The following GALNTL6 variants were observed in gnomAD, a reference collection of about 807,000 sequenced individuals.
GALNTL6 encodes polypeptide N-acetylgalactosaminyltransferase like 6.
In GALNTL6, 46 loss-of-function variants were observed where a neutral mutation model predicts 73.7. That is an observed-to-expected ratio of 0.62 (90% CI 0.49 to 0.80). GALNTL6 has a LOEUF of 0.80. GALNTL6 is among the 30% of genes least tolerant of loss of function. GALNTL6 has a pLI of 0.00. For missense variants in GALNTL6, 604 were observed against 755.0 expected (o/e 0.80, Z 2.34); for synonymous variants, 259 against 263.7 (o/e 0.98, Z 0.17).
At chr4:172,210,171 A>C (rs1736276195) in intron 2 of GALNTL6, among the ~76,000 whole-genome samples, 1 of 152,052 alleles carries the variant, frequency 6.6e-6, no homozygotes, top group Non-Finnish European at 1.5e-5. Flanking sequence ...TTTTTAAGAC[A>C]CCTTATTTTT....
rs1176942070 is a variant in GALNTL6 at position 172,148,207 on chromosome 4, TTAAAA to T, written c.139-81446_139-81442del. Among the ~76,000 whole-genome samples the T allele has an allele frequency of 3.9e-5, 6 of 152,202 alleles. 1 individual carries two copies. Among genetic ancestry groups the T allele is most frequent in the South Asian group, 4.1e-4 (2 of 4,830 alleles). On this transcript the variant is annotated intron_variant, in intron 2 of 12. Coordinates refer to ENST00000506823, the MANE Select transcript of GALNTL6 (RefSeq NM_001034845.3). ...GATTAAGTACAATTCTGAGTATTTC[TTAAAA>T]TATAATATATTTCATTTGGCTATTG...
At chr4:172,843,786 C>T (rs923049723) in intron 7 of GALNTL6, among the ~76,000 whole-genome samples, 2 of 152,198 alleles carry the variant, frequency 1.3e-5, no homozygotes, top group African/African-American at 2.4e-5. Flanking sequence ...AAGCCAGGCA[C>T]GGTGGCTCAC....
At position 171,902,841 on chromosome 4, in the gene GALNTL6, T is replaced by C. The variant is rs1356920129; in HGVS notation, c.138+88123T>C. 3.3e-5 allele frequency among the ~76,000 whole-genome samples: 5 copies of C among 152,136 alleles called. 1 individual carries two copies. ...CAGAAAATGGAAAGGATACTTAACA[T>C]ATAGTAAATATGATAGTTTTGAAAT... On this transcript the variant is annotated intron_variant, in intron 2 of 12. Transcript: ENST00000506823.
intron 7 of GALNTL6, among the ~76,000 whole-genome samples, chr4:172,874,537 T>C (rs1463359881): frequency 2.0e-5 from 3 of 152,216 alleles, no homozygotes; most frequent in African/African-American, 7.2e-5. Flanking sequence ...ATCTAATCTA[T>C]GTTTTATGTA....
intron 5 of GALNTL6, among the ~76,000 whole-genome samples, chr4:172,513,830 ACT>A (rs1179073297): frequency 1.3e-5 from 2 of 151,742 alleles, no homozygotes; most frequent in African/African-American, 4.8e-5. Flanking sequence ...AGTGAGGTGG[ACT>A]CTGTGTGGGA....
chr4:172,311,492 T>C, intron 3 of GALNTL6, 122 bp from the exon 4 acceptor site: 1 of 620,646 alleles, frequency 1.6e-6, no homozygotes, highest in African/African-American at 1.9e-5. Flanking sequence ...AAAATCTTAG[T>C]ACTAGCTCCT....
intron 5 of GALNTL6, among the ~76,000 whole-genome samples, chr4:172,789,682 C>T (rs1056517574): frequency 6.6e-6 from 1 of 152,148 alleles, no homozygotes; most frequent in Non-Finnish European, 1.5e-5. Context: ...ATCCAGTCCT[C>T]TTGGGTTTTT....
At chr4:172,945,939 C>A (rs766484359) in intron 9 of GALNTL6, among the ~76,000 whole-genome samples, 10 of 152,116 alleles carry the variant, frequency 6.6e-5, no homozygotes, top group Non-Finnish European at 1.5e-4. Flanking sequence ...TGGGGTGGGA[C>A]TACTGAGCCA....
At chr4:172,951,906 T>G in intron 9 of GALNTL6, 131 bp from the exon 10 acceptor site, 1 of 658,110 alleles carries the variant, frequency 1.5e-6, no homozygotes, top group African/African-American at 1.8e-5. Context: ...TCATTGTTCA[T>G]AAACCACCAA....
chr4:172,162,400 T>C (rs1411722422), intron 2 of GALNTL6, among the ~76,000 whole-genome samples: 2 of 151,972 alleles, frequency 1.3e-5, no homozygotes, highest in African/African-American at 2.4e-5. Context: ...AGAGCATTAA[T>C]GTAAGGAGGA....
chr4:172,314,634 G>A (rs376277725), intron 4 of GALNTL6, among the ~76,000 whole-genome samples: 4 of 105,184 alleles, frequency 3.8e-5, no homozygotes, highest in African/African-American at 1.1e-4. Flanking sequence ...TTGAGGCAGA[G>A]TCTCCCTCTG....
intron 5 of GALNTL6, among the ~76,000 whole-genome samples, chr4:172,375,742 C>T (rs1561053383): frequency 6.6e-6 from 1 of 152,146 alleles, no homozygotes. Context: ...TTCTTGAAAA[C>T]CTGCACTCTT....
At chr4:172,855,599 A>G (rs1406336014) in intron 7 of GALNTL6, among the ~76,000 whole-genome samples, 1 of 152,162 alleles carries the variant, frequency 6.6e-6, no homozygotes, top group Non-Finnish European at 1.5e-5. Flanking sequence ...GGCTGATCTC[A>G]GGCCACTGTC....
At chr4:172,894,130 G>A (rs776309767) in intron 8 of GALNTL6, among the ~76,000 whole-genome samples, 1 of 152,066 alleles carries the variant, frequency 6.6e-6, no homozygotes, top group South Asian at 2.1e-4. Context: ...CAGTGGGAGA[G>A]GTGTCTCAGC....
At chr4:172,131,456 A>C (rs1483152824) in intron 2 of GALNTL6, among the ~76,000 whole-genome samples, 1 of 144,850 alleles carries the variant, frequency 6.9e-6, no homozygotes, top group African/African-American at 2.6e-5. Context: ...TATATATTTT[A>C]TATATATTAC....
chr4:172,489,441 A>G (rs1287103631), intron 5 of GALNTL6, among the ~76,000 whole-genome samples: 3 of 152,254 alleles, frequency 2.0e-5, no homozygotes, highest in Non-Finnish European at 4.4e-5. Flanking sequence ...TATGTATGTT[A>G]TATATATTCT....
At chr4:172,539,325 C>G (rs2110868573) in intron 5 of GALNTL6, among the ~76,000 whole-genome samples, 1 of 152,204 alleles carries the variant, frequency 6.6e-6, no homozygotes, top group East Asian at 1.9e-4. Context: ...TTTCTATAGT[C>G]CTGTTACTAA....
intron 2 of GALNTL6, among the ~76,000 whole-genome samples, chr4:172,055,595 C>T (rs1730998147): frequency 6.6e-6 from 1 of 151,994 alleles, no homozygotes. Context: ...GGTAGAAGTC[C>T]AGAGCAAATC....
At position 172,087,044 on chromosome 4, in the gene GALNTL6, G is replaced by C. The variant is rs182297559; in HGVS notation, c.139-142612G>C. Among the ~76,000 whole-genome samples, 4 of 152,242 alleles carry C rather than the reference G, an allele frequency of 2.6e-5. No individual in the cohort carries two copies. In the East Asian group the frequency reaches 7.7e-4, roughly 29 times the overall value. On this transcript the variant is annotated intron_variant, in intron 2 of 12. Transcript: ENST00000506823. The stretch of plus-strand genomic sequence containing the variant: ...CCTACCGTGTATTGTGGGAAATGAC[G>C]AAAGTATTCAAGGTTATTCATTGAA...
Sources: allele counts gnomAD v4.1 joint callset (sites outside exome capture counted in the v4.1 genomes callset), GRCh38; gene constraint gnomAD v4.1.1; transcripts MANE v1.5; gene names NCBI Gene and HGNC (gene_info 2026-07-23, HGNC 2026-07-21).